FGD3: variants seen among roughly 807,000 people sequenced by gnomAD.
FGD3 encodes the protein FYVE, RhoGEF and PH domain containing 3.
A neutral mutation model predicts 71.8 loss-of-function variants in FGD3; 45 were observed. That is an observed-to-expected ratio of 0.63 (90% confidence interval 0.49 to 0.80). The LOEUF (loss-of-function observed/expected upper bound fraction) is 0.80. FGD3 is among the 30% of genes least tolerant of loss of function. The probability of loss-of-function intolerance (pLI) is 0.00; values close to 1 mark genes in which losing one functional copy is unlikely to be tolerated. For synonymous variants in FGD3, 378 were observed against 392.8 expected (o/e 0.96, Z 0.44); for missense variants, 844 against 951.5 (o/e 0.89, Z 1.49).
At chr9:92,959,106 C>T (rs1178435871) in intron 1 of FGD3, among the ~76,000 whole-genome samples, 1 of 152,180 alleles carries the variant, frequency 6.6e-6, no homozygotes, top group East Asian at 1.9e-4. Context: ...ACTACAGGTG[C>T]CTGCCGCCAT....
chr9:92,976,646 G>A lies in FGD3; in HGVS notation c.390G>A (p.Val130=). 6.2e-7 allele frequency: 1 copy of A among 1,612,320 alleles called. No individual in the cohort carries two copies. The highest frequency in any genetic ancestry group is 8.5e-7 in the Non-Finnish European group (1 of 1,179,628). ...CCCAGGAGGAGGCGGACAGCGACGT[G>A]GGTGAGGAACCTGACTCTGAGAACA... ...VTPQEEADSD[V]GEEPDSENTP... is the part of the protein sequence containing the mutation. The change falls in exon 3 of 18, where the codon GTG becomes GTA. Residue 130 remains valine (V), a synonymous_variant. Transcript: ENST00000375482.
chr9:92,949,602 C>A (rs1858916513), intron 1 of FGD3, among the ~76,000 whole-genome samples: 1 of 152,144 alleles, frequency 6.6e-6, no homozygotes, highest in Admixed American at 6.5e-5. Context: ...AGGGTCCCAC[C>A]CTCAGGGACA....
chr9:93,006,138 C>G lies in FGD3; in HGVS notation c.795C>G (p.Thr265=). 1 of 1,610,638 alleles carries G rather than the reference C, an allele frequency of 6.2e-7. No homozygotes were observed. Among genetic ancestry groups the G allele is most frequent in the African/African-American group, 1.3e-5 (1 of 74,926 alleles). ...CCGTAGGGCTGGTGAGCACGTGGAC[C>G]CAGCGCTCCCCACTGTTTAAAGACG... ...DRAVGLVSTW[T]QRSPLFKDVV... The change falls in exon 6 of 18, where the codon ACC becomes ACG. Residue 265 remains threonine, a synonymous_variant. Transcript: ENST00000375482.
chr9:92,983,148 A>G (rs1029292404), intron 3 of FGD3, among the ~76,000 whole-genome samples: 1 of 152,194 alleles, frequency 6.6e-6, no homozygotes, highest in African/African-American at 2.4e-5. Flanking sequence ...GTGGATGACA[A>G]AAAGTCTTAT....
At chr9:93,032,242 A>C (rs1862383454) in intron 15 of FGD3, among the ~76,000 whole-genome samples, 1 of 152,032 alleles carries the variant, frequency 6.6e-6, no homozygotes, top group Non-Finnish European at 1.5e-5. Flanking sequence ...TCATATGGTA[A>C]CTCTGTGTTT....
At position 92,961,571 on chromosome 9, in the gene FGD3, C is replaced by T. The variant is rs376970969; in HGVS notation, c.-217-13667C>T. Among the ~76,000 whole-genome samples the T allele has an allele frequency of 8.5e-5, 13 of 152,214 alleles. 1 individual carries two copies. The East Asian group carries it at 9.6e-4, about 11-fold the overall frequency. On this transcript the variant is annotated intron_variant, in intron 1 of 17. Coordinates refer to ENST00000375482, the MANE Select transcript of FGD3 (RefSeq NM_001083536.2). ...ACTTCAGGTCACCCTTGCCCTTTTT[C>T]ATGATGAAAATACTACATCACTTTA...
In FGD3 at chr9:93,023,279, C is replaced by T. The variant is rs564461069; in HGVS notation, c.1557+890C>T. ...GGCCGCTGGCTGCCCCCTCCCATGA[C>T]CTGAGCTTTACCAGGCCCCACCCAT... On this transcript the variant is annotated intron_variant, in intron 14 of 17. Coordinates refer to ENST00000375482, the MANE Select transcript of FGD3 (RefSeq NM_001083536.2). 8.5e-5 allele frequency among the ~76,000 whole-genome samples: 13 copies of T among 152,292 alleles called. No homozygotes were observed. In the South Asian group the frequency reaches 2.7e-3, roughly 32 times the overall value.
At chr9:93,019,901 T>A in intron 12 of FGD3, 40 bp downstream of exon 12, 1 of 1,609,826 alleles carries the variant, frequency 6.2e-7, no homozygotes. Flanking sequence ...AATGACCAAG[T>A]GATTGAGCAG....
intron 1 of FGD3, among the ~76,000 whole-genome samples, chr9:92,957,683 T>C (rs868137407): frequency 0.019 from 2,727 of 146,384 alleles, 89 homozygotes; most frequent in African/African-American, 0.064. Context: ...TTTTCTTTTT[T>C]TTTTTTTTTT....
At chr9:92,974,677 GCTT>G (rs1307317706) in intron 1 of FGD3, 2 of 152,342 alleles carry the variant, frequency 1.3e-5, no homozygotes, top group Non-Finnish European at 2.9e-5. Flanking sequence ...TGTGAAGCCT[GCTT>G]CTTCTTTATT....
chr9:92,985,768 G>T lies in FGD3; in HGVS notation c.453+9059G>T, dbSNP rs115517947. 4.2e-3 allele frequency among the ~76,000 whole-genome samples: 643 copies of T among 152,194 alleles called. 5 individuals carry two copies. Among genetic ancestry groups the T allele is most frequent in the African/African-American group, 0.014 (601 of 41,514 alleles). On this transcript the variant is annotated intron_variant, in intron 3 of 17. Coordinates refer to ENST00000375482, the MANE Select transcript of FGD3 (RefSeq NM_001083536.2). ...GCTAGGATTACAAGCATGAACCACC[G>T]CACCTGGCCCATTTTTCTGTTTTAA...
Position 93,010,184 on chromosome 9 carries a change from C to T in FGD3, c.838-62C>T, listed in dbSNP as rs200201831. On this transcript the variant is annotated intron_variant, in intron 6 of 17. Transcript: ENST00000375482. ...TCCTGGGGCTGTGGTGGCCAGAAGC[C>T]GGTGGGGCTGGCATCCACACACGTG... 96 of 1,526,636 alleles carry T rather than the reference C, an allele frequency of 6.3e-5. No individual in the cohort carries two copies. In the East Asian group the frequency reaches 9.3e-4, roughly 15 times the overall value. 94.6% of individuals were successfully genotyped at this position (1,526,636 alleles called of 1,614,324 possible). A position where few individuals can be genotyped will look rare whatever the true frequency, so the allele number is the denominator to read the frequency against.
rs768350149 is a variant in FGD3, at chr9:92,976,569, C to G, written c.313C>G (p.Leu105Val). Residue 105 changes from leucine (L) to valine (V), a missense_variant, in exon 3 of 18, where the codon CTG (leucine) becomes GTG (valine). Coordinates refer to ENST00000375482, the MANE Select transcript of FGD3 (RefSeq NM_001083536.2). ...GGAGGCTGGCCCAAGCCCCACTGTA[C>G]TGGGGGCGCACGCAGAGATGGCCCT... is the stretch of plus-strand genomic sequence containing the variant. ...GLEAGPSPTV[L>V]GAHAEMALDS... is the part of the protein sequence containing the mutation. 1.9e-6 allele frequency: 3 copies of G among 1,612,720 alleles called. No homozygotes were observed. The highest frequency in any genetic ancestry group is 2.5e-6 in the Non-Finnish European group (3 of 1,179,886).
chr9:92,951,740 A>G (rs2118493775), intron 1 of FGD3, among the ~76,000 whole-genome samples: 1 of 152,272 alleles, frequency 6.6e-6, no homozygotes, highest in Middle Eastern at 3.4e-3. Flanking sequence ...GTCTGAGCAC[A>G]CTCATGTTCT....
chr9:93,014,858 T>A (rs1474607671), intron 9 of FGD3, among the ~76,000 whole-genome samples: 1 of 151,980 alleles, frequency 6.6e-6, no homozygotes, highest in Non-Finnish European at 1.5e-5. Flanking sequence ...ATCAGTCTGG[T>A]CTCGAGCTCC....
chr9:92,949,580 C>T lies in FGD3; in HGVS notation c.-218+1851C>T, dbSNP rs552394104. 2.6e-5 allele frequency among the ~76,000 whole-genome samples: 4 copies of T among 152,288 alleles called. No individual in the cohort carries two copies. The South Asian group carries it at 8.3e-4, about 32-fold the overall frequency. ...GGACATCCCAACGAGGGATATCCAG[C>T]AGCCTTCCTTGAGGGTCCCACCCTC... is the stretch of plus-strand genomic sequence containing the variant. On this transcript the variant is annotated intron_variant, in intron 1 of 17. Coordinates refer to ENST00000375482, the MANE Select transcript of FGD3 (RefSeq NM_001083536.2).
intron 15 of FGD3, among the ~76,000 whole-genome samples, chr9:93,031,551 A>G (rs934454773): frequency 3.3e-5 from 5 of 152,164 alleles, no homozygotes; most frequent in Non-Finnish European, 7.3e-5. Context: ...GATAGAGAAA[A>G]GAGAAATTCC....
chr9:93,005,766 G>A (rs1434273261), intron 5 of FGD3, among the ~76,000 whole-genome samples: 1 of 152,226 alleles, frequency 6.6e-6, no homozygotes, highest in Non-Finnish European at 1.5e-5. Context: ...TATCTCCTGT[G>A]TCTGGGTCAC....
intron 3 of FGD3, among the ~76,000 whole-genome samples, chr9:92,987,581 G>C (rs1183967896): frequency 6.6e-6 from 1 of 152,156 alleles, no homozygotes; most frequent in Admixed American, 6.5e-5. Flanking sequence ...CAGACTCCAA[G>C]GTCCCTCCTC....
Sources: allele counts gnomAD v4.1 joint callset (sites outside exome capture counted in the v4.1 genomes callset), GRCh38; gene constraint gnomAD v4.1.1; transcripts MANE v1.5; gene names NCBI Gene and HGNC (gene_info 2026-07-23, HGNC 2026-07-21).